Variants in MSI2 observed in about 807,000 individuals in gnomAD.
The protein encoded by MSI2 is musashi RNA binding protein 2.
MSI2 carries 17 observed loss-of-function variants against 45.6 expected under a neutral mutation model. The observed-to-expected ratio is 0.37, with a 90% CI of 0.26 to 0.56. The LOEUF (loss-of-function observed/expected upper bound fraction) is 0.56, where lower values mean the gene tolerates loss of function less well. MSI2 is among the 20% of genes least tolerant of loss of function. The pLI, the probability that MSI2 is intolerant of heterozygous loss-of-function variation, is 0.77. For missense variants in MSI2, 293 were observed against 444.2 expected, an observed-to-expected ratio of 0.66 and a Z score of 3.06; for synonymous variants, 156 against 158.2, an observed-to-expected ratio of 0.99 and a Z score of 0.11.
chr17:57,272,534 C>G (rs1048078691), intron 5 of MSI2, among the ~76,000 whole-genome samples: 7 of 152,172 alleles, frequency 4.6e-5, no homozygotes, highest in African/African-American at 1.7e-4. Context: ...CATAATTAAA[C>G]ATGGCAACAA....
chr17:57,531,008 A>T, intron 7 of MSI2, among the ~76,000 whole-genome samples: 1 of 151,920 alleles, frequency 6.6e-6, no homozygotes, highest in African/African-American at 2.4e-5. Context: ...AAGCAGGGAG[A>T]GAAAGGAGGG....
At chr17:57,606,696 GT>G (rs1189177194) in intron 8 of MSI2, among the ~76,000 whole-genome samples, 2 of 152,058 alleles carry the variant, frequency 1.3e-5, no homozygotes, top group African/African-American at 4.8e-5. Context: ...TTTATTTTTG[GT>G]TTATGACCTA....
Position 57,292,751 on chromosome 17 carries a change from G to A in MSI2, c.312+30559G>A, listed in dbSNP as rs77816321. ...TTTCACAAAGTGTTAGGAGGGAAAG[G>A]AGCCTTTCTGGGGCCAGCACGGTTG... On this transcript the variant is annotated intron_variant, in intron 5 of 13. Coordinates refer to ENST00000284073, the MANE Select transcript of MSI2 (RefSeq NM_138962.4). Among the ~76,000 whole-genome samples the A allele has an allele frequency of 7.7e-3, 1,167 of 152,278 alleles. 5 individuals carry two copies. Among genetic ancestry groups the A allele is most frequent in the Non-Finnish European group, 0.014 (934 of 68,012 alleles).
At chr17:57,560,883 A>G (rs974827339) in intron 7 of MSI2, among the ~76,000 whole-genome samples, 1 of 152,160 alleles carries the variant, frequency 6.6e-6, no homozygotes, top group Non-Finnish European at 1.5e-5. Flanking sequence ...CTGTTCTGTG[A>G]GCATCCCAGG....
chr17:57,276,945 A>G (rs1020467086), intron 5 of MSI2, among the ~76,000 whole-genome samples: 1 of 152,032 alleles, frequency 6.6e-6, no homozygotes, highest in Non-Finnish European at 1.5e-5. Context: ...GCCCCACTGC[A>G]TAGTCAGGGG....
chr17:57,305,381 C>G (rs974644541), intron 5 of MSI2, among the ~76,000 whole-genome samples: 2 of 152,128 alleles, frequency 1.3e-5, no homozygotes, highest in African/African-American at 4.8e-5. Context: ...TCCTTAGTAA[C>G]ACACACTCAC....
chr17:57,408,256 A>G (rs926026766), intron 6 of MSI2, among the ~76,000 whole-genome samples: 5 of 152,226 alleles, frequency 3.3e-5, no homozygotes, highest in Non-Finnish European at 5.9e-5. Context: ...CCCTCTTAGT[A>G]TATAAAATAT....
intron 11 of MSI2, among the ~76,000 whole-genome samples, chr17:57,674,106 C>T (rs775940704): frequency 8.6e-5 from 13 of 151,754 alleles, no homozygotes; most frequent in Non-Finnish European, 1.5e-4. Flanking sequence ...CCCTCCATCC[C>T]CTTCTCTCCA....
intron 7 of MSI2, among the ~76,000 whole-genome samples, chr17:57,582,814 A>G (rs1474158534): frequency 6.6e-6 from 1 of 152,068 alleles, no homozygotes; most frequent in Non-Finnish European, 1.5e-5. Context: ...TGAAATGTTC[A>G]TGTTTTTTTT....
Position 57,596,788 on chromosome 17 carries a change from C to T in MSI2, c.455-80C>T, listed in dbSNP as rs1365322361. On this transcript the variant is annotated intron_variant, in intron 7 of 13. Coordinates refer to ENST00000284073, the MANE Select transcript of MSI2 (RefSeq NM_138962.4). This position sits in a 1 kb window ranked among gnomAD's most constrained non-coding sequence, Gnocchi z 4.6. ...CCAGGAGGCTGTCAAGACCTCAGGA[C>T]GTCAGAGAAAAACCTGGGCCTGCCA... is the stretch of plus-strand genomic sequence containing the variant. 2.5e-5 allele frequency: 24 copies of T among 956,254 alleles called. No homozygotes were observed. Among genetic ancestry groups the T allele is most frequent in the Admixed American group, 8.6e-5 (5 of 57,816 alleles). The allele number at this position is 956,254 out of a possible 1,614,324, so 59.2% of individuals were successfully genotyped here.
intron 7 of MSI2, among the ~76,000 whole-genome samples, chr17:57,544,880 T>G (rs888534757): frequency 4.6e-5 from 7 of 152,212 alleles, no homozygotes; most frequent in African/African-American, 1.7e-4. Flanking sequence ...GTCCTTGCCT[T>G]TTCATTTTGT....
chr17:57,443,077 C>G (rs1174956121), intron 6 of MSI2, among the ~76,000 whole-genome samples: 1 of 152,138 alleles, frequency 6.6e-6, no homozygotes, highest in East Asian at 1.9e-4. Context: ...GCCTGTCTGC[C>G]TGGCTGATGT....
chr17:57,417,280 C>T lies in MSI2; in HGVS notation c.405+15809C>T, dbSNP rs369369958. ...ATGGTAGGTGGAGGAGAGGAGGAAG[C>T]CCAGAGTGTGACTTGCCCCACACAC... On this transcript the variant is annotated intron_variant, in intron 6 of 13. Transcript: ENST00000284073. Among the ~76,000 whole-genome samples the T allele has an allele frequency of 7.9e-5, 12 of 152,122 alleles. No homozygotes were observed. The East Asian group carries it at 2.3e-3, about 29-fold the overall frequency.
intron 5 of MSI2, chr17:57,264,544 A>G (rs890290808): frequency 6.6e-6 from 1 of 152,214 alleles, no homozygotes; most frequent in Non-Finnish European, 1.5e-5. Flanking sequence ...ATTTTTATTA[A>G]GTCCTCACAT....
Position 57,455,319 on chromosome 17 carries a change from TCA to T in MSI2, c.405+53851_405+53852del, listed in dbSNP as rs1238234601. Reference sequence around the variant, plus strand: ...CCAACTCACACACAGGGAGCTGTGGTCACAGTCGGACCACTTGGCAGCCATCA... The same window carrying T: ...CCAACTCACACACAGGGAGCTGTGGTCAGTCGGACCACTTGGCAGCCATCA... On this transcript the variant is annotated intron_variant, in intron 6 of 13. Coordinates refer to ENST00000284073, the MANE Select transcript of MSI2 (RefSeq NM_138962.4). 2.6e-5 allele frequency among the ~76,000 whole-genome samples: 4 copies of T among 152,342 alleles called. No individual in the cohort carries two copies. In the East Asian group the frequency reaches 7.7e-4, roughly 29 times the overall value.
chr17:57,425,232 G>C (rs980937668), intron 6 of MSI2, among the ~76,000 whole-genome samples: 1 of 152,184 alleles, frequency 6.6e-6, no homozygotes, highest in Non-Finnish European at 1.5e-5. Context: ...GGGATCAGTG[G>C]TGAAGAAAGT....
At chr17:57,474,689 CTGTTTTTTTGT>C (rs2085504390) in intron 6 of MSI2, among the ~76,000 whole-genome samples, 1 of 140,716 alleles carries the variant, frequency 7.1e-6, no homozygotes, top group Admixed American at 7.4e-5. Flanking sequence ...ACTTTGTGTA[CTGTTTTTTTGT>C]TGTTTTTTTG....
intron 6 of MSI2, among the ~76,000 whole-genome samples, chr17:57,482,773 G>A (rs974480690): frequency 6.6e-6 from 1 of 152,164 alleles, no homozygotes; most frequent in African/African-American, 2.4e-5. Flanking sequence ...CTATCTGAAT[G>A]TGCCTGCATT....
intron 5 of MSI2, among the ~76,000 whole-genome samples, chr17:57,398,221 C>G (rs1021409322): frequency 6.6e-6 from 1 of 152,136 alleles, no homozygotes; most frequent in South Asian, 2.1e-4. Flanking sequence ...TCTCTGGGAC[C>G]ACATGAACGT....
Sources: gnomAD v4.1 joint callset for allele counts (sites outside exome capture counted in the v4.1 genomes callset) on GRCh38, gnomAD v4.1.1 for gene constraint, Gnocchi (gnomAD v3.1) non-coding constraint, MANE v1.5 for transcripts, NCBI Gene and HGNC (gene_info 2026-07-23, HGNC 2026-07-21) for gene names.